SLC30A8: variants seen among roughly 807,000 people sequenced by gnomAD.
SLC30A8 encodes the protein solute carrier family 30 member 8, also known as proton-coupled zinc antiporter SLC30A8.
SLC30A8 carries 27 observed loss-of-function variants against 36.9 expected under a neutral mutation model. The observed-to-expected ratio is 0.73, with a 90% confidence interval of 0.54 to 1.01. SLC30A8 has a LOEUF of 1.01. Among genes scored for constraint, SLC30A8 ranks in the 50% least tolerant of loss-of-function variants. The pLI is 0.00. For missense variants in SLC30A8, 439 were observed against 452.0 expected (o/e 0.97, Z 0.26); for synonymous variants, 164 against 172.4 (o/e 0.95, Z 0.38).
chr8:117,137,960 T>C (rs1821437863), intron 1 of SLC30A8, among the ~76,000 whole-genome samples: 1 of 151,474 alleles, frequency 6.6e-6, no homozygotes, highest in Non-Finnish European at 1.5e-5. Flanking sequence ...AGTAGTAATA[T>C]TGGACCCAGT....
chr8:116,957,030 A>G (rs1814231852), intron 1 of SLC30A8, among the ~76,000 whole-genome samples: 2 of 152,212 alleles, frequency 1.3e-5, no homozygotes, highest in Admixed American at 1.3e-4. Flanking sequence ...AAATATACAA[A>G]TACTACAGAT....
intron 1 of SLC30A8, among the ~76,000 whole-genome samples, chr8:117,029,962 G>C (rs1743055179): frequency 2.0e-5 from 3 of 152,028 alleles, no homozygotes; most frequent in Admixed American, 1.3e-4. Flanking sequence ...ATGTTTGTTT[G>C]TTTTTTTAAA....
intron 2 of SLC30A8, among the ~76,000 whole-genome samples, chr8:117,041,564 C>T (rs1432507022): frequency 6.6e-6 from 1 of 152,028 alleles, no homozygotes; most frequent in Admixed American, 6.6e-5. Context: ...GTGGTGGGCA[C>T]CTGTAATTTC....
At chr8:117,096,913 CGTT>C (rs1421904617) in intron 2 of SLC30A8, among the ~76,000 whole-genome samples, 2 of 152,050 alleles carry the variant, frequency 1.3e-5, no homozygotes, top group East Asian at 3.9e-4. Flanking sequence ...ATCTGGCACT[CGTT>C]GTCTTATTAC....
At chr8:117,104,649 G>A (rs143316024) in intron 2 of SLC30A8, among the ~76,000 whole-genome samples, 296 of 152,244 alleles carry the variant, frequency 1.9e-3, no homozygotes, top group Admixed American at 3.1e-3. Flanking sequence ...CCCAAGAGAG[G>A]ATTCTTGGAT....
intron 7 of SLC30A8, 104 bp from the exon 8 acceptor site, chr8:117,172,432 C>T (rs878977448): frequency 1.3e-6 from 2 of 1,495,314 alleles, no homozygotes; most frequent in Middle Eastern, 2.2e-4. Context: ...CCTGCCTCTG[C>T]CCCACCCCAG....
chr8:117,034,531 G>T (rs1414050879), intron 1 of SLC30A8, among the ~76,000 whole-genome samples: 2 of 152,160 alleles, frequency 1.3e-5, no homozygotes, highest in African/African-American at 4.8e-5. Flanking sequence ...TATGGTTGGG[G>T]AAACTGAAGC....
At chr8:117,028,147 G>C (rs924646744) in intron 1 of SLC30A8, among the ~76,000 whole-genome samples, 1 of 152,108 alleles carries the variant, frequency 6.6e-6, no homozygotes, top group Non-Finnish European at 1.5e-5. Flanking sequence ...GAGGAAGAAG[G>C]CTGTTTTAAA....
At position 117,137,271 on chromosome 8, in the gene SLC30A8, G is replaced by A. The variant is rs544025505; in HGVS notation, c.71+1873G>A. The stretch of plus-strand genomic sequence containing the variant: ...CATTTATTTTGTTCTGTCTCTATTA[G>A]TTGTGGATAACTTTATCCCCTGATA... On this transcript the variant is annotated intron_variant, in intron 1 of 7. Coordinates refer to ENST00000456015, the MANE Select transcript of SLC30A8 (RefSeq NM_173851.3). Among the ~76,000 whole-genome samples, 45 of 151,972 alleles carry A rather than the reference G, an allele frequency of 3.0e-4. 2 individuals carry two copies. The South Asian group carries it at 5.0e-3, about 17-fold the overall frequency.
chr8:117,139,212 T>C (rs1171266484), intron 1 of SLC30A8, among the ~76,000 whole-genome samples: 4 of 152,096 alleles, frequency 2.6e-5, no homozygotes, highest in Non-Finnish European at 5.9e-5. Flanking sequence ...AATTATATGT[T>C]GAAGCACAAA....
intron 1 of SLC30A8, among the ~76,000 whole-genome samples, chr8:116,963,274 C>T (rs1360726638): frequency 4.6e-5 from 7 of 152,114 alleles, no homozygotes; most frequent in Non-Finnish European, 4.4e-5. Context: ...ATTGAACTAA[C>T]TTGAAAGTTA....
chr8:117,165,650 G>A (rs7015397), intron 6 of SLC30A8, among the ~76,000 whole-genome samples: 54,950 of 152,006 alleles, frequency 0.36, 12,172 homozygotes, highest in African/African-American at 0.63. Flanking sequence ...TAGTCCCCCC[G>A]GTAAGAAAGG....
At chr8:117,085,639 A>T (rs1356804093) in intron 2 of SLC30A8, among the ~76,000 whole-genome samples, 1 of 152,194 alleles carries the variant, frequency 6.6e-6, no homozygotes, top group African/African-American at 2.4e-5. Flanking sequence ...TGCCTTCATT[A>T]TGTGGCTGGC....
Position 117,143,350 on chromosome 8 carries a change from T to G in SLC30A8, c.72-3604T>G, listed in dbSNP as rs73317627. Among the ~76,000 whole-genome samples, 349 of 152,286 alleles carry G rather than the reference T, an allele frequency of 2.3e-3. 1 individual carries two copies. The highest frequency in any genetic ancestry group is 7.9e-3 in the African/African-American group (327 of 41,576). ...GCTACAGTAAATTTCTTTGGCCTATTATTCCTAATTTTTAAAGCTTTGGCC... is the reference window on the plus strand; with the variant it reads ...GCTACAGTAAATTTCTTTGGCCTATGATTCCTAATTTTTAAAGCTTTGGCC... On this transcript the variant is annotated intron_variant, in intron 1 of 7. Coordinates refer to ENST00000456015, the MANE Select transcript of SLC30A8 (RefSeq NM_173851.3).
At chr8:117,064,761 G>A (rs1452723691) in intron 2 of SLC30A8, among the ~76,000 whole-genome samples, 3 of 152,198 alleles carry the variant, frequency 2.0e-5, no homozygotes, top group African/African-American at 7.2e-5. Context: ...GGCTATGTAA[G>A]CCCTCCTTCC....
At chr8:117,078,119 A>G (rs1436311542) in intron 2 of SLC30A8, among the ~76,000 whole-genome samples, 2 of 152,160 alleles carry the variant, frequency 1.3e-5, no homozygotes, top group African/African-American at 4.8e-5. Context: ...TCTATGATTA[A>G]TTAAGCCAAA....
intron 4 of SLC30A8, among the ~76,000 whole-genome samples, chr8:117,159,142 C>T (rs1822650214): frequency 6.6e-6 from 1 of 152,154 alleles, no homozygotes; most frequent in Non-Finnish European, 1.5e-5. Context: ...AGGATGCAGT[C>T]CTAGAGACCC....
chr8:117,067,937 G>A (rs1389482353), intron 2 of SLC30A8, among the ~76,000 whole-genome samples: 1 of 152,140 alleles, frequency 6.6e-6, no homozygotes. Context: ...ATTGACTATG[G>A]TGGTGCAGGG....
At chr8:117,047,228 T>C (rs1043231610) in intron 2 of SLC30A8, among the ~76,000 whole-genome samples, 10 of 152,150 alleles carry the variant, frequency 6.6e-5, no homozygotes, top group Non-Finnish European at 1.2e-4. Context: ...CTCTCACGTA[T>C]TCTCTTATAT....
Sources: gnomAD v4.1 joint callset for allele counts (sites outside exome capture counted in the v4.1 genomes callset) on GRCh38, gnomAD v4.1.1 for gene constraint, MANE v1.5 for transcripts, NCBI Gene and HGNC (gene_info 2026-07-23, HGNC 2026-07-21) for gene names.